GLYATL2: variants seen among roughly 807,000 people sequenced by gnomAD.
GLYATL2 encodes the protein glycine-N-acyltransferase like 2, also known as glycine N-acyltransferase-like protein 2.
GLYATL2 carries 25 observed loss-of-function variants against 21.4 expected under a neutral mutation model. The ratio of observed to expected loss-of-function variants is 1.17; its 90% CI spans 0.85 to 1.63. GLYATL2 has a LOEUF of 1.63. Ranked by LOEUF, GLYATL2 falls within the 40% of genes most tolerant of loss-of-function variation. GLYATL2 has a pLI of 0.00. For missense variants in GLYATL2, 361 were observed against 343.3 expected, an observed-to-expected ratio of 1.05 and a Z score of -0.41; for synonymous variants, 114 against 118.2, an observed-to-expected ratio of 0.96 and a Z score of 0.23.
intron 1 of GLYATL2, among the ~76,000 whole-genome samples, chr11:58,857,495 C>T (rs1225333558): frequency 9.9e-5 from 15 of 152,096 alleles, no homozygotes; most frequent in Non-Finnish European, 1.6e-4. Flanking sequence ...CCCCCTGGGG[C>T]GGGGCGAGTG....
intron 1 of GLYATL2, among the ~76,000 whole-genome samples, chr11:58,840,090 A>G (rs541369922): frequency 6.7e-6 from 1 of 148,364 alleles, no homozygotes; most frequent in Admixed American, 6.8e-5. Flanking sequence ...AGCTATCAAG[A>G]AAGAATATAA....
At position 58,853,629 on chromosome 11, in the gene GLYATL2, G is replaced by A. The variant is rs1002108953; in HGVS notation, n.61-15261C>T. On this transcript the variant is annotated intron_variant and non_coding_transcript_variant, in intron 1 of 4. Coordinates refer to the GLYATL2 transcript ENST00000533636. ...TTTTGGTTTTCAAAATTGGGACTCTGAAACAAATCTATGTCCTTATATTTT... is the reference window on the plus strand; with the variant it reads ...TTTTGGTTTTCAAAATTGGGACTCTAAAACAAATCTATGTCCTTATATTTT... Among the ~76,000 whole-genome samples, 87 of 152,122 alleles carry A rather than the reference G, an allele frequency of 5.7e-4. 1 individual carries two copies. The highest frequency in any genetic ancestry group is 1.7e-3 in the African/African-American group (72 of 41,428).
chr11:58,878,741 G>T (rs1484126709), intron 1 of GLYATL2, among the ~76,000 whole-genome samples: 1 of 152,120 alleles, frequency 6.6e-6, no homozygotes, highest in African/African-American at 2.4e-5. Context: ...AGGTAAAAAT[G>T]GAATCCTGAA....
At chr11:58,851,617 G>A (rs1325737338) in intron 1 of GLYATL2, among the ~76,000 whole-genome samples, 1 of 152,138 alleles carries the variant, frequency 6.6e-6, no homozygotes, top group Non-Finnish European at 1.5e-5. Flanking sequence ...CCAAAGAATT[G>A]TATTACATAA....
chr11:58,908,539 G>A (rs896695914), upstream of GLYATL2: 7 of 210,176 alleles, frequency 3.3e-5, no homozygotes, highest in Admixed American at 3.0e-4. Context: ...TAGACCTGAA[G>A]TTTCAAAGGC....
intron 1 of GLYATL2, among the ~76,000 whole-genome samples, chr11:58,856,590 T>A (rs1475477421): frequency 6.6e-6 from 1 of 152,014 alleles, no homozygotes; most frequent in Non-Finnish European, 1.5e-5. Flanking sequence ...TACAGATCAT[T>A]GTATGGTTTA....
intron 1 of GLYATL2, among the ~76,000 whole-genome samples, chr11:58,883,536 A>G (rs142258809): frequency 0.013 from 2,035 of 152,296 alleles, 52 homozygotes; most frequent in African/African-American, 0.046. Flanking sequence ...GAATCCCTGA[A>G]TAGACCAATA....
At chr11:58,849,231 A>G (rs755236787), upstream of GLYATL2, among the ~76,000 whole-genome samples, 1 of 152,232 alleles carries the variant, frequency 6.6e-6, no homozygotes, top group Non-Finnish European at 1.5e-5. Context: ...TGAGCAATAA[A>G]TAATCACCAG....
chr11:58,867,236 A>G (rs1335670147), intron 1 of GLYATL2, among the ~76,000 whole-genome samples: 1 of 149,220 alleles, frequency 6.7e-6, no homozygotes. Context: ...TAAAATGTGT[A>G]TATTTTATAA....
chr11:58,893,053 A>T, intron 1 of GLYATL2: 1 of 381,630 alleles, frequency 2.6e-6, no homozygotes, highest in Admixed American at 3.7e-5. Context: ...TAAAACTCCC[A>T]ATTTTAAATA....
intron 1 of GLYATL2, among the ~76,000 whole-genome samples, chr11:58,863,584 C>A (rs1853970407): frequency 1.3e-5 from 2 of 152,148 alleles, no homozygotes; most frequent in Admixed American, 1.3e-4. Context: ...CTGAAGCTGG[C>A]CTAGGGCTGG....
chr11:58,859,029 A>C (rs1050874310), intron 1 of GLYATL2, among the ~76,000 whole-genome samples: 1 of 152,056 alleles, frequency 6.6e-6, no homozygotes, highest in Non-Finnish European at 1.5e-5. Context: ...TAAGTCAAAA[A>C]CCTCTAACCC....
At chr11:58,858,543 T>C (rs1435835335) in intron 1 of GLYATL2, among the ~76,000 whole-genome samples, 1 of 152,166 alleles carries the variant, frequency 6.6e-6, no homozygotes, top group African/African-American at 2.4e-5. Context: ...TGATGGTTCT[T>C]AAGATGTTGA....
intron 1 of GLYATL2, among the ~76,000 whole-genome samples, chr11:58,881,305 T>A (rs939426443): frequency 7.9e-5 from 12 of 152,206 alleles, no homozygotes; most frequent in Admixed American, 2.6e-4. Context: ...GAGACAGAAC[T>A]GAAATTTGGA....
At chr11:58,888,158 A>T (rs1328918324) in intron 1 of GLYATL2, among the ~76,000 whole-genome samples, 1 of 152,116 alleles carries the variant, frequency 6.6e-6, no homozygotes, top group East Asian at 1.9e-4. Context: ...GACCATTTTT[A>T]CACTGGGGTT....
At chr11:58,905,951 G>C (rs568144594), upstream of GLYATL2, among the ~76,000 whole-genome samples, 1 of 152,354 alleles carries the variant, frequency 6.6e-6, no homozygotes, top group South Asian at 2.1e-4. Flanking sequence ...CCATTGGCCA[G>C]CGAGAGTGTC....
chr11:58,847,762 C>T (rs1161520909), upstream of GLYATL2, among the ~76,000 whole-genome samples: 4 of 152,214 alleles, frequency 2.6e-5, no homozygotes, highest in East Asian at 7.7e-4. Flanking sequence ...AGGAATCTCA[C>T]TGCCCTGATG....
At chr11:58,863,119 G>T (rs1190012234) in intron 1 of GLYATL2, among the ~76,000 whole-genome samples, 1 of 40,322 alleles carries the variant, frequency 2.5e-5, no homozygotes, top group African/African-American at 4.5e-5. Context: ...TGGATCCACT[G>T]GGTGGATATT....
intron 1 of GLYATL2, among the ~76,000 whole-genome samples, chr11:58,891,508 C>A (rs541570935): frequency 6.6e-6 from 1 of 152,172 alleles, no homozygotes; most frequent in Non-Finnish European, 1.5e-5. Flanking sequence ...TTGGTATTCA[C>A]TAAAGTATCT....
Sources: allele counts gnomAD v4.1 joint callset (sites outside exome capture counted in the v4.1 genomes callset), GRCh38; gene constraint gnomAD v4.1.1; transcripts MANE v1.5; gene names NCBI Gene and HGNC (gene_info 2026-07-23, HGNC 2026-07-21).